The following PHACTR1 variants were observed in gnomAD, a reference collection of about 807,000 sequenced individuals.
The protein encoded by PHACTR1 is RPEL repeat containing 1.
Under a neutral mutation model 69.2 loss-of-function variants are expected in PHACTR1, and 16 were observed. The observed-to-expected ratio is 0.23, with a 90% CI of 0.16 to 0.35. PHACTR1 has a LOEUF of 0.35. Among genes scored for constraint, PHACTR1 ranks in the 10% least tolerant of loss-of-function variants. PHACTR1 has a pLI of 1.00. For missense variants in PHACTR1, 510 were observed against 734.7 expected (o/e 0.69, Z 3.54); for synonymous variants, 312 against 284.5 (o/e 1.10, Z -0.97).
intron 10 of PHACTR1, among the ~76,000 whole-genome samples, chr6:13,233,910 A>G (rs1771604191): frequency 6.6e-6 from 1 of 152,176 alleles, no homozygotes; most frequent in South Asian, 2.1e-4. Flanking sequence ...TTGTGGTAAG[A>G]CCCTTGGAAG....
At chr6:12,944,779 TTTTATTTA>T (rs1207928038) in intron 4 of PHACTR1, among the ~76,000 whole-genome samples, 1 of 138,770 alleles carries the variant, frequency 7.2e-6, no homozygotes, top group Non-Finnish European at 1.5e-5. Flanking sequence ...ATTTATTTAT[TTTTATTTA>T]TTTTTTTTTT....
chr6:13,012,829 T>C (rs1297743089), intron 4 of PHACTR1, among the ~76,000 whole-genome samples: 1 of 152,214 alleles, frequency 6.6e-6, no homozygotes, highest in East Asian at 1.9e-4. Flanking sequence ...ATGATTTTAA[T>C]AAGGCAAATC....
chr6:13,255,728 C>G lies in PHACTR1; in HGVS notation c.1392-17132C>G, dbSNP rs530663053. 4.6e-5 allele frequency among the ~76,000 whole-genome samples: 7 copies of G among 152,348 alleles called. No homozygotes were observed. In the South Asian group the frequency reaches 1.5e-3, roughly 32 times the overall value. On this transcript the variant is annotated intron_variant, in intron 10 of 14. Coordinates refer to ENST00000332995, the MANE Select transcript of PHACTR1 (RefSeq NM_030948.6). ...CTAAATCTCTTTTGACTCCATGTCCCACATCCCAGCCACACTGGTGTGGAT... is the reference window on the plus strand; with the variant it reads ...CTAAATCTCTTTTGACTCCATGTCCGACATCCCAGCCACACTGGTGTGGAT...
intron 4 of PHACTR1, among the ~76,000 whole-genome samples, chr6:12,965,409 T>A (rs1371100213): frequency 6.6e-6 from 1 of 151,352 alleles, no homozygotes; most frequent in East Asian, 1.9e-4. Context: ...CTGTTTGAGC[T>A]CTCATCCTGT....
At chr6:13,027,830 C>G (rs927731011) in intron 4 of PHACTR1, among the ~76,000 whole-genome samples, 2 of 152,144 alleles carry the variant, frequency 1.3e-5, no homozygotes, top group African/African-American at 2.4e-5. Flanking sequence ...CATGCGCCAC[C>G]ACACCCAGCT....
chr6:12,883,020 C>T (rs1008032561), intron 4 of PHACTR1, among the ~76,000 whole-genome samples: 7 of 152,276 alleles, frequency 4.6e-5, no homozygotes, highest in Non-Finnish European at 4.4e-5. Flanking sequence ...TTTAATGATT[C>T]TAGTGATGCT....
chr6:13,129,513 T>C (rs559580867), intron 5 of PHACTR1, among the ~76,000 whole-genome samples: 40 of 152,230 alleles, frequency 2.6e-4, no homozygotes, highest in African/African-American at 9.4e-4. Context: ...TAGCTATTCT[T>C]GTATCAGACA....
At chr6:13,029,293 G>T (rs1331090700) in intron 4 of PHACTR1, among the ~76,000 whole-genome samples, 2 of 152,220 alleles carry the variant, frequency 1.3e-5, no homozygotes, top group Admixed American at 1.3e-4. Context: ...TTCAGGGGAT[G>T]CCCTGCATAA....
chr6:13,069,471 C>T (rs1247967953), intron 5 of PHACTR1, among the ~76,000 whole-genome samples: 2 of 152,160 alleles, frequency 1.3e-5, no homozygotes, highest in Non-Finnish European at 2.9e-5. Flanking sequence ...ATGACACACA[C>T]GTCTTACCAC....
intron 4 of PHACTR1, among the ~76,000 whole-genome samples, chr6:12,976,497 T>C (rs1389219345): frequency 6.6e-6 from 1 of 152,204 alleles, no homozygotes; most frequent in Non-Finnish European, 1.5e-5. Context: ...TTCTCATATG[T>C]GTCCAGGGCT....
intron 10 of PHACTR1, among the ~76,000 whole-genome samples, chr6:13,265,516 C>G (rs1937767): frequency 0.47 from 70,825 of 151,930 alleles, 18,177 homozygotes; most frequent in Non-Finnish European, 0.6. Flanking sequence ...ATTGGCCAGG[C>G]AGAAATCCTA....
intron 4 of PHACTR1, among the ~76,000 whole-genome samples, chr6:12,753,970 A>T (rs187503370): frequency 0.58 from 78,030 of 134,272 alleles, 22,419 homozygotes; most frequent in African/African-American, 0.68. Flanking sequence ...ATATATATAT[A>T]TTTTTTTTTT....
chr6:12,887,913 C>CA (rs201585992), intron 4 of PHACTR1, among the ~76,000 whole-genome samples: 13,007 of 146,764 alleles, frequency 0.089, 1,841 homozygotes, highest in African/African-American at 0.3. Context: ...TACTAAAATA[C>CA]AAAAAAAAAA....
At position 13,076,166 on chromosome 6, in the gene PHACTR1, G is replaced by C. The variant is rs79977516; in HGVS notation, c.415+22637G>C. ...TCCTTAATGCCAGGTACAAAAAATA[G>C]AGAGCTAAATAAGACACAGTCACCC... On this transcript the variant is annotated intron_variant, in intron 5 of 14. Transcript: ENST00000332995. Among the ~76,000 whole-genome samples the C allele has an allele frequency of 7.2e-5, 11 of 151,818 alleles. No homozygotes were observed. The East Asian group carries it at 2.1e-3, about 29-fold the overall frequency.
chr6:13,175,655 T>C (rs1488725415), intron 6 of PHACTR1, among the ~76,000 whole-genome samples: 1 of 152,182 alleles, frequency 6.6e-6, no homozygotes, highest in African/African-American at 2.4e-5. Flanking sequence ...TCGATTTCTT[T>C]TTACCTGAGG....
At chr6:12,889,971 C>T (rs1169335354) in intron 4 of PHACTR1, among the ~76,000 whole-genome samples, 2 of 152,044 alleles carry the variant, frequency 1.3e-5, no homozygotes, top group Non-Finnish European at 2.9e-5. Flanking sequence ...TGCCATGGTC[C>T]ACTAACACAG....
intron 10 of PHACTR1, among the ~76,000 whole-genome samples, chr6:13,265,357 C>T (rs1776521540): frequency 3.0e-5 from 1 of 32,798 alleles, no homozygotes; most frequent in African/African-American, 1.7e-4. Context: ...GATTGACATG[C>T]AGGTCAAAGG....
intron 4 of PHACTR1, among the ~76,000 whole-genome samples, chr6:12,949,570 C>CCA (rs1791063824): frequency 6.6e-6 from 1 of 152,082 alleles, no homozygotes; most frequent in East Asian, 1.9e-4. Context: ...GCCAAAAAGG[C>CCA]ATGGGAGTTG....
chr6:12,834,278 C>T (rs1339593657), intron 4 of PHACTR1, among the ~76,000 whole-genome samples: 2 of 152,054 alleles, frequency 1.3e-5, no homozygotes, highest in African/African-American at 4.8e-5. Context: ...TTCCCTTTGG[C>T]TGAAGTAATT....
Sources: gnomAD v4.1 joint callset for allele counts (sites outside exome capture counted in the v4.1 genomes callset) on GRCh38, gnomAD v4.1.1 for gene constraint, MANE v1.5 for transcripts, NCBI Gene and HGNC (gene_info 2026-07-23, HGNC 2026-07-21) for gene names.